The following LOC128092253 variants were observed in gnomAD, a reference collection of about 807,000 sequenced individuals.
chr6:133,972,922 A>G, the LOC128092253 span, among the ~76,000 whole-genome samples: 1 of 152,180 alleles, frequency 6.6e-6, no homozygotes, highest in Non-Finnish European at 1.5e-5. Flanking sequence ...AGATGAGAAA[A>G]TGAGGATTTA....
the LOC128092253 span, among the ~76,000 whole-genome samples, chr6:133,960,351 A>T: frequency 8.4e-3 from 1,272 of 152,052 alleles, 37 homozygotes; most frequent in Admixed American, 0.062. Flanking sequence ...CAACAGATTA[A>T]AAAGCTATAT....
the LOC128092253 span, among the ~76,000 whole-genome samples, chr6:133,956,249 T>C: frequency 6.6e-6 from 1 of 152,230 alleles, no homozygotes; most frequent in Non-Finnish European, 1.5e-5. Flanking sequence ...CTCTGGTGTT[T>C]TCAAATTTTA....
chr6:133,963,185 C>T, the LOC128092253 span, among the ~76,000 whole-genome samples: 1 of 152,152 alleles, frequency 6.6e-6, no homozygotes, highest in Admixed American at 6.5e-5. Flanking sequence ...TCTTGATGTT[C>T]TCTGAAAAAC....
the LOC128092253 span, among the ~76,000 whole-genome samples, chr6:133,976,371 C>T: frequency 6.6e-6 from 1 of 152,084 alleles, no homozygotes; most frequent in African/African-American, 2.4e-5. Flanking sequence ...ATATATAGAC[C>T]TATAAAAGAG....
the LOC128092253 span, among the ~76,000 whole-genome samples, chr6:133,954,852 C>T: frequency 6.6e-6 from 1 of 152,112 alleles, no homozygotes; most frequent in Admixed American, 6.5e-5. Context: ...TTACTATGTG[C>T]CCTTGATTGG....
the LOC128092253 span, among the ~76,000 whole-genome samples, chr6:133,964,093 T>A: frequency 6.6e-6 from 1 of 152,164 alleles, no homozygotes; most frequent in African/African-American, 2.4e-5. Flanking sequence ...CTCTTGTGTG[T>A]TCTGTGTAAG....
the LOC128092253 span, among the ~76,000 whole-genome samples, chr6:133,966,687 A>G: frequency 6.6e-6 from 1 of 152,104 alleles, no homozygotes; most frequent in Non-Finnish European, 1.5e-5. Context: ...ATCTTAGTAA[A>G]TAGTATCTTA....
the LOC128092253 span, among the ~76,000 whole-genome samples, chr6:133,978,752 T>C: frequency 6.6e-6 from 1 of 152,210 alleles, no homozygotes; most frequent in Non-Finnish European, 1.5e-5. Context: ...GGTTTGCCAC[T>C]GTGTTCTATC....
At chr6:133,963,825 T>G in the LOC128092253 span, among the ~76,000 whole-genome samples, 4 of 148,296 alleles carry the variant, frequency 2.7e-5, no homozygotes, top group Non-Finnish European at 5.9e-5. Flanking sequence ...GGTCAGGAGA[T>G]CGAGACCATC....
chr6:133,953,648 G>A, the LOC128092253 span, among the ~76,000 whole-genome samples: 1 of 152,140 alleles, frequency 6.6e-6, no homozygotes, highest in African/African-American at 2.4e-5. Flanking sequence ...GCGATATTTG[G>A]GGATCTCTTT....
At chr6:133,966,176 A>T in the LOC128092253 span, among the ~76,000 whole-genome samples, 1 of 152,030 alleles carries the variant, frequency 6.6e-6, no homozygotes, top group Non-Finnish European at 1.5e-5. Context: ...TTACAGTTAA[A>T]CTCTGCAGAC....
At chr6:133,974,345 C>CT in the LOC128092253 span, among the ~76,000 whole-genome samples, 1 of 152,086 alleles carries the variant, frequency 6.6e-6, no homozygotes, top group African/African-American at 2.4e-5. Context: ...TCAGTTATTT[C>CT]TTTTTTGAGA....
the LOC128092253 span, among the ~76,000 whole-genome samples, chr6:133,956,015 C>T: frequency 5.9e-5 from 9 of 152,188 alleles, no homozygotes; most frequent in South Asian, 1.0e-3. Context: ...TTCTCATGGA[C>T]ATGGCACATT....
chr6:133,975,340 T>C, the LOC128092253 span, among the ~76,000 whole-genome samples: 1 of 152,022 alleles, frequency 6.6e-6, no homozygotes, highest in African/African-American at 2.4e-5. Context: ...TTAAGCAAAA[T>C]AGACTTGAAG....
the LOC128092253 span, among the ~76,000 whole-genome samples, chr6:133,962,698 A>G: frequency 1.3e-5 from 2 of 152,240 alleles, no homozygotes; most frequent in African/African-American, 4.8e-5. Flanking sequence ...TGAGGCCTGA[A>G]AAGTTTAAAG....
At chr6:133,969,044 T>G in the LOC128092253 span, 1 of 152,178 alleles carries the variant, frequency 6.6e-6, no homozygotes, top group Non-Finnish European at 1.5e-5. Context: ...TGTTTAAACA[T>G]TATTAAGATG....
the LOC128092253 span, among the ~76,000 whole-genome samples, chr6:133,976,787 G>A: frequency 6.6e-6 from 1 of 152,036 alleles, no homozygotes; most frequent in Non-Finnish European, 1.5e-5. Flanking sequence ...AAGAGTTCAA[G>A]AGCAACCTGG....
the LOC128092253 span, among the ~76,000 whole-genome samples, chr6:133,956,420 CAT>C: frequency 1.3e-3 from 198 of 152,240 alleles, 3 homozygotes; most frequent in East Asian, 0.035. Flanking sequence ...AGAGAAATGA[CAT>C]GTGTGTAATA....
chr6:133,957,609 G>T, the LOC128092253 span, among the ~76,000 whole-genome samples: 1 of 152,176 alleles, frequency 6.6e-6, no homozygotes, highest in African/African-American at 2.4e-5. Flanking sequence ...AATCAGTTAC[G>T]TTTTCTTGAG....
Sources: allele counts gnomAD v4.1 joint callset (sites outside exome capture counted in the v4.1 genomes callset), GRCh38; gene constraint gnomAD v4.1.1; transcripts MANE v1.5.